Variants in DENND1A observed in about 807,000 individuals in gnomAD.
The protein encoded by DENND1A is DENN domain containing 1A.
Under a neutral mutation model 113.7 loss-of-function variants are expected in DENND1A, and 51 were observed. That is an observed-to-expected ratio of 0.45 (90% CI 0.36 to 0.57). The LOEUF (loss-of-function observed/expected upper bound fraction) is 0.57. DENND1A is among the 20% of genes least tolerant of loss of function. DENND1A has a pLI of 0.00. For missense variants in DENND1A, 1,258 were observed against 1,395.9 expected, an observed-to-expected ratio of 0.90 and a Z score of 1.57; for synonymous variants, 565 against 570.8, an observed-to-expected ratio of 0.99 and a Z score of 0.14.
In DENND1A at chr9:123,609,198, G is replaced by A. The variant is rs370507606; in HGVS notation, c.765+238C>T. Among the ~76,000 whole-genome samples, 4 of 152,198 alleles carry A rather than the reference G, an allele frequency of 2.6e-5. No homozygotes were observed. The East Asian group carries it at 7.7e-4, about 29-fold the overall frequency. ...AAGAACCCTTTCCTCCTGCCTCCTTGACTCTCATTCCCTCAACCCATGAAA... is the reference window on the plus strand; with the variant it reads ...AAGAACCCTTTCCTCCTGCCTCCTTAACTCTCATTCCCTCAACCCATGAAA... On this transcript the variant is annotated intron_variant, in intron 11 of 23. Coordinates refer to ENST00000394215, the MANE Select transcript of DENND1A (RefSeq NM_001352964.2).
chr9:123,414,845 G>A (rs946717387), intron 19 of DENND1A, among the ~76,000 whole-genome samples: 2 of 152,088 alleles, frequency 1.3e-5, no homozygotes, highest in Non-Finnish European at 2.9e-5. Context: ...ACAGCACACC[G>A]GCTGTCGTTA....
chr9:123,609,402 T>C, intron 11 of DENND1A, 34 bp downstream of exon 11: 2 of 1,611,460 alleles, frequency 1.2e-6, no homozygotes, highest in South Asian at 1.1e-5. Context: ...AAGCCCCAGG[T>C]AGAGCCATCT....
In DENND1A at chr9:123,878,656, C is replaced by T. The variant is rs550806146; in HGVS notation, c.88+295G>A. 3.9e-5 allele frequency among the ~76,000 whole-genome samples: 6 copies of T among 152,298 alleles called. No individual in the cohort carries two copies. The East Asian group carries it at 1.2e-3, about 29-fold the overall frequency. ...GCTCATTAGCAAGGTGACAATATTT[C>T]ACACTAAATAGTTGACTTCCAGGCA... On this transcript the variant is annotated intron_variant, in intron 2 of 23. Transcript: ENST00000394215.
At chr9:123,383,251 C>T (rs531990462) in intron 23 of DENND1A, among the ~76,000 whole-genome samples, 14 of 152,344 alleles carry the variant, frequency 9.2e-5, no homozygotes, top group Non-Finnish European at 2.1e-4. Flanking sequence ...GTGGGAATTA[C>T]ACACTGATTT....
At chr9:123,546,235 G>A (rs1175767124) in intron 13 of DENND1A, among the ~76,000 whole-genome samples, 1 of 152,114 alleles carries the variant, frequency 6.6e-6, no homozygotes, top group Non-Finnish European at 1.5e-5. Context: ...CTAAGATGAA[G>A]CTGCAGCTGA....
chr9:123,683,482 ATTCT>A (rs1322461732), intron 5 of DENND1A, among the ~76,000 whole-genome samples: 3 of 152,196 alleles, frequency 2.0e-5, no homozygotes, highest in East Asian at 1.9e-4. Flanking sequence ...TTGATGCATT[ATTCT>A]TTCTAAGAAT....
chr9:123,876,829 C>T (rs1249262984), intron 2 of DENND1A, among the ~76,000 whole-genome samples: 2 of 152,080 alleles, frequency 1.3e-5, no homozygotes, highest in African/African-American at 4.8e-5. Context: ...ATATAAGTGT[C>T]CACCAATGGG....
chr9:123,711,177 TATA>T (rs2066561513), intron 5 of DENND1A, among the ~76,000 whole-genome samples: 1 of 151,786 alleles, frequency 6.6e-6, no homozygotes, highest in Non-Finnish European at 1.5e-5. Flanking sequence ...TTAAAAAATA[TATA>T]GAGGCCAGGT....
At chr9:123,401,995 G>A in intron 21 of DENND1A, 1 of 1,570,884 alleles carries the variant, frequency 6.4e-7, no homozygotes, top group South Asian at 1.1e-5. Flanking sequence ...TGTCTAAAAG[G>A]TTTAGTCCAG....
At chr9:123,626,433 G>A (rs1345626740) in intron 10 of DENND1A, among the ~76,000 whole-genome samples, 1 of 152,084 alleles carries the variant, frequency 6.6e-6, no homozygotes, top group Admixed American at 6.5e-5. Context: ...CGGGTGATGT[G>A]TGTCTCCTTT....
At chr9:123,892,558 T>C (rs1850081890) in intron 1 of DENND1A, among the ~76,000 whole-genome samples, 1 of 152,122 alleles carries the variant, frequency 6.6e-6, no homozygotes, top group Non-Finnish European at 1.5e-5. Flanking sequence ...AGAATATTTA[T>C]AAGAATACAA....
At chr9:123,808,097 G>C (rs974150720) in intron 2 of DENND1A, among the ~76,000 whole-genome samples, 1 of 151,886 alleles carries the variant, frequency 6.6e-6, no homozygotes, top group Non-Finnish European at 1.5e-5. Flanking sequence ...GTGGTGGTGG[G>C]CACCTGTAAT....
intron 12 of DENND1A, among the ~76,000 whole-genome samples, chr9:123,575,812 G>A (rs980617054): frequency 3.3e-5 from 5 of 152,082 alleles, no homozygotes; most frequent in Non-Finnish European, 7.4e-5. Flanking sequence ...ATCAGCATTT[G>A]GCTGGTATAT....
chr9:123,719,357 G>T (rs1204155025), intron 5 of DENND1A, among the ~76,000 whole-genome samples: 2 of 152,186 alleles, frequency 1.3e-5, no homozygotes, highest in Non-Finnish European at 2.9e-5. Flanking sequence ...TGACACCTGA[G>T]ACTATCCTCT....
chr9:123,772,496 T>C (rs1829885738), intron 3 of DENND1A, among the ~76,000 whole-genome samples: 1 of 152,280 alleles, frequency 6.6e-6, no homozygotes, highest in East Asian at 1.9e-4. Flanking sequence ...CCCGTTTCTC[T>C]TGCCTACACA....
At chr9:123,759,334 C>T (rs2070844820) in intron 4 of DENND1A, 1 of 152,398 alleles carries the variant, frequency 6.6e-6, no homozygotes, top group African/African-American at 2.4e-5. Context: ...CGTGGGTACT[C>T]TTCTAGGAGT....
chr9:123,664,749 T>C (rs1250337006), intron 8 of DENND1A, among the ~76,000 whole-genome samples: 1 of 152,220 alleles, frequency 6.6e-6, no homozygotes, highest in African/African-American at 2.4e-5. Flanking sequence ...TTTATTATTA[T>C]AGTTTTCGTT....
At chr9:123,672,666 T>C (rs2063824853) in intron 6 of DENND1A, among the ~76,000 whole-genome samples, 1 of 152,202 alleles carries the variant, frequency 6.6e-6, no homozygotes, top group Non-Finnish European at 1.5e-5. Context: ...TGATAAAGGA[T>C]AAATTTGGCC....
intron 2 of DENND1A, among the ~76,000 whole-genome samples, chr9:123,870,346 T>C (rs1215963453): frequency 6.6e-6 from 1 of 151,330 alleles, no homozygotes; most frequent in Non-Finnish European, 1.5e-5. Flanking sequence ...CGCGGCTCAC[T>C]GCAACCTCCA....
Sources: gnomAD v4.1 joint callset for allele counts (sites outside exome capture counted in the v4.1 genomes callset) on GRCh38, gnomAD v4.1.1 for gene constraint, MANE v1.5 for transcripts, NCBI Gene and HGNC (gene_info 2026-07-23, HGNC 2026-07-21) for gene names.